The following HYAL4 variants were observed in gnomAD, a reference collection of about 807,000 sequenced individuals.
HYAL4 encodes the protein hyaluronidase-4.
HYAL4 carries 37 observed loss-of-function variants against 35.2 expected under a neutral mutation model. The observed-to-expected ratio is 1.05, with a 90% CI of 0.81 to 1.38. HYAL4 has a LOEUF of 1.38. Among genes scored for constraint, HYAL4 ranks in the 40% most tolerant of loss-of-function variants. HYAL4 has a pLI of 0.00. For missense variants in HYAL4, 572 were observed against 572.4 expected (o/e 1.00, Z 0.01); for synonymous variants, 198 against 203.2 (o/e 0.97, Z 0.22).
chr7:123,850,874 T>C (rs190468256), intron 2 of HYAL4, among the ~76,000 whole-genome samples: 7 of 152,304 alleles, frequency 4.6e-5, no homozygotes, highest in African/African-American at 1.7e-4. Context: ...TTGGAACATT[T>C]CCAAATTTCC....
intron 2 of HYAL4, among the ~76,000 whole-genome samples, chr7:123,857,231 C>CA (rs1353603098): frequency 1.3e-5 from 2 of 151,922 alleles, no homozygotes; most frequent in Non-Finnish European, 2.9e-5. Context: ...CACTGGGGTA[C>CA]AAAAAAACCT....
At chr7:123,838,135 A>G (rs963342898) in intron 1 of HYAL4, among the ~76,000 whole-genome samples, 1 of 152,096 alleles carries the variant, frequency 6.6e-6, no homozygotes, top group Non-Finnish European at 1.5e-5. Context: ...AGTCCCGCCA[A>G]CAGTGTAAAA....
the HYAL4 span, among the ~76,000 whole-genome samples, chr7:123,811,411 A>G: frequency 6.6e-6 from 1 of 152,136 alleles, no homozygotes; most frequent in Admixed American, 6.5e-5. Flanking sequence ...GTGGTGTCTC[A>G]TTGCTGTTTT....
intron 2 of HYAL4, among the ~76,000 whole-genome samples, chr7:123,861,199 G>A (rs1806569035): frequency 6.6e-6 from 1 of 152,076 alleles, no homozygotes; most frequent in Admixed American, 6.6e-5. Context: ...GTTTCTGTCT[G>A]ATAACCCCAA....
chr7:123,805,967 T>C, the HYAL4 span, among the ~76,000 whole-genome samples: 2 of 152,154 alleles, frequency 1.3e-5, no homozygotes, highest in African/African-American at 4.8e-5. Context: ...GTACTCCAGC[T>C]TGGGTGACAA....
At chr7:123,778,352 C>T in the HYAL4 span, among the ~76,000 whole-genome samples, 1 of 152,088 alleles carries the variant, frequency 6.6e-6, no homozygotes, top group Non-Finnish European at 1.5e-5. Context: ...TAATTCAATG[C>T]AGGTATCCAT....
intron 2 of HYAL4, among the ~76,000 whole-genome samples, chr7:123,865,665 G>A (rs1806671561): frequency 6.6e-6 from 1 of 152,098 alleles, no homozygotes; most frequent in African/African-American, 2.4e-5. Context: ...TTTTTTTACA[G>A]CAGTGTCCAA....
chr7:123,864,441 T>C (rs1279317945), intron 2 of HYAL4, among the ~76,000 whole-genome samples: 1 of 152,160 alleles, frequency 6.6e-6, no homozygotes, highest in East Asian at 1.9e-4. Flanking sequence ...GCTAACTCTT[T>C]CTAAACATTG....
chr7:123,792,406 A>C, the HYAL4 span, among the ~76,000 whole-genome samples: 185 of 152,324 alleles, frequency 1.2e-3, no homozygotes, highest in African/African-American at 4.3e-3. Flanking sequence ...CTTTGCACTT[A>C]GGTAAATTAC....
At chr7:123,834,311 G>T (rs549318911) in intron 1 of HYAL4, among the ~76,000 whole-genome samples, 1 of 152,154 alleles carries the variant, frequency 6.6e-6, no homozygotes, top group Admixed American at 6.5e-5. Flanking sequence ...TCCTTAGTTA[G>T]ATATATTTCT....
At chr7:123,840,317 A>G (rs908708007), upstream of HYAL4, among the ~76,000 whole-genome samples, 3 of 151,954 alleles carry the variant, frequency 2.0e-5, no homozygotes, top group Non-Finnish European at 4.4e-5. Flanking sequence ...TGTTATTTCT[A>G]GGGCCTCTGT....
At chr7:123,859,404 T>C (rs530007417) in intron 2 of HYAL4, among the ~76,000 whole-genome samples, 1 of 152,320 alleles carries the variant, frequency 6.6e-6, no homozygotes, top group South Asian at 2.1e-4. Flanking sequence ...ATCAGTTTCT[T>C]CAAGCTTATC....
At chr7:123,811,455 G>A in the HYAL4 span, among the ~76,000 whole-genome samples, 1 of 152,114 alleles carries the variant, frequency 6.6e-6, no homozygotes, top group Non-Finnish European at 1.5e-5. Flanking sequence ...ATAATGTTGA[G>A]CATCTTTTCA....
At chr7:123,797,424 A>G in the HYAL4 span, among the ~76,000 whole-genome samples, 1 of 152,256 alleles carries the variant, frequency 6.6e-6, no homozygotes, top group Admixed American at 6.5e-5. Flanking sequence ...TAATTGCTCA[A>G]GGAAGCAACG....
the HYAL4 span, among the ~76,000 whole-genome samples, chr7:123,769,275 A>G: frequency 2.6e-5 from 4 of 152,202 alleles, no homozygotes; most frequent in African/African-American, 4.8e-5. Flanking sequence ...TTGGATTTCA[A>G]TGAGTTAATA....
intron 2 of HYAL4, among the ~76,000 whole-genome samples, chr7:123,858,662 A>T (rs1007310162): frequency 6.6e-6 from 1 of 152,204 alleles, no homozygotes; most frequent in African/African-American, 2.4e-5. Flanking sequence ...AGTTGATAAG[A>T]ACAGAATAGA....
At chr7:123,766,632 T>G in the HYAL4 span, among the ~76,000 whole-genome samples, 1 of 152,180 alleles carries the variant, frequency 6.6e-6, no homozygotes, top group African/African-American at 2.4e-5. Context: ...ATGGTTTTAT[T>G]TGATTATAAA....
the HYAL4 span, among the ~76,000 whole-genome samples, chr7:123,812,160 A>G: frequency 6.6e-6 from 1 of 152,014 alleles, no homozygotes; most frequent in Non-Finnish European, 1.5e-5. Context: ...CCTTTTTACA[A>G]TGTGTGGAAT....
chr7:123,819,568 T>G, the HYAL4 span: 2 of 152,078 alleles, frequency 1.3e-5, no homozygotes, highest in African/African-American at 4.8e-5. Context: ...AAGTACAGGG[T>G]CTAACATTGA....
Sources: gnomAD v4.1 joint callset for allele counts (sites outside exome capture counted in the v4.1 genomes callset) on GRCh38, gnomAD v4.1.1 for gene constraint, MANE v1.5 for transcripts, NCBI Gene and HGNC (gene_info 2026-07-23, HGNC 2026-07-21) for gene names.